Variants in PEX5L observed in about 807,000 individuals in gnomAD.
PEX5L encodes PEX5-related protein.
Under a neutral mutation model 84.0 loss-of-function variants are expected in PEX5L, and 30 were observed. The observed-to-expected ratio is 0.36, with a 90% CI of 0.27 to 0.48. The LOEUF is 0.48. PEX5L is among the 20% of genes least tolerant of loss of function. The pLI is 0.99. For synonymous variants in PEX5L, 270 were observed against 283.1 expected (o/e 0.95, Z 0.46); for missense variants, 533 against 754.6 (o/e 0.71, Z 3.44).
chr3:179,888,065 A>C, intron 3 of PEX5L: 3 of 969,426 alleles, frequency 3.1e-6, no homozygotes, highest in African/African-American at 3.3e-5. Flanking sequence ...ATTTCAATAT[A>C]TAGAAAATGA....
At chr3:179,811,978 T>C in intron 10 of PEX5L, 107 bp from the exon 11 acceptor site, 1 of 847,198 alleles carries the variant, frequency 1.2e-6, no homozygotes, top group Non-Finnish European at 2.0e-6. Flanking sequence ...GCAAGCTGTC[T>C]CATATGTGAG....
intron 2 of PEX5L, among the ~76,000 whole-genome samples, chr3:179,931,694 A>C (rs1483453380): frequency 6.6e-6 from 1 of 152,180 alleles, no homozygotes; most frequent in African/African-American, 2.4e-5. Context: ...CCAAGCTTAC[A>C]AATGAAAAAT....
At chr3:179,894,195 G>A (rs1758485968) in intron 3 of PEX5L, among the ~76,000 whole-genome samples, 1 of 152,034 alleles carries the variant, frequency 6.6e-6, no homozygotes, top group Non-Finnish European at 1.5e-5. Flanking sequence ...TCAATATAGT[G>A]ACCATACAGT....
At chr3:179,944,042 C>T (rs1776874045) in intron 2 of PEX5L, among the ~76,000 whole-genome samples, 1 of 151,078 alleles carries the variant, frequency 6.6e-6, no homozygotes, top group African/African-American at 2.5e-5. Flanking sequence ...ACTTATATTC[C>T]ACTCAAATTA....
At chr3:179,986,713 A>AT (rs1363564133) in intron 1 of PEX5L, among the ~76,000 whole-genome samples, 1 of 151,644 alleles carries the variant, frequency 6.6e-6, no homozygotes, top group African/African-American at 2.4e-5. Flanking sequence ...ACATTTAGTA[A>AT]TTTTTTTTCA....
At chr3:179,841,270 G>A (rs1463844947) in intron 8 of PEX5L, among the ~76,000 whole-genome samples, 1 of 152,000 alleles carries the variant, frequency 6.6e-6, no homozygotes, top group Non-Finnish European at 1.5e-5. Context: ...ACTCATCTGC[G>A]CCTCTGTACA....
intron 1 of PEX5L, among the ~76,000 whole-genome samples, chr3:179,980,961 T>C (rs1579215604): frequency 6.6e-6 from 1 of 151,040 alleles, no homozygotes; most frequent in African/African-American, 2.4e-5. Context: ...GAGGCGGAGG[T>C]TGCAGTGAGC....
chr3:179,880,066 G>A lies in PEX5L; in HGVS notation c.368C>T (p.Thr123Ile). 6.2e-7 allele frequency: 1 copy of A among 1,613,986 alleles called. No homozygotes were observed. The highest frequency in any genetic ancestry group is 8.5e-7 in the Non-Finnish European group (1 of 1,179,926). ...DLSEPVSQTQ[T>I]KAKKSEPSSK... ...TGAGGGCTCTGACTTCTTGGCTTTG[G>A]TTTGGGTTTGAGAGACTGGTTCACT... Residue 123 changes from threonine to isoleucine, a missense_variant, in exon 5 of 15, where the codon ACC (threonine) becomes ATC (isoleucine). Around this residue, in one of 8 missense-constraint regions of PEX5L, gnomAD observed 259 missense variants for 301.7 expected, o/e 0.86. Coordinates refer to ENST00000467460, the MANE Select transcript of PEX5L (RefSeq NM_016559.3).
At position 179,816,022 on chromosome 3, in the gene PEX5L, G is replaced by A; in HGVS notation, c.940-18C>T. 1.2e-6 allele frequency: 2 copies of A among 1,613,004 alleles called. No individual in the cohort carries two copies. The highest frequency in any genetic ancestry group is 1.7e-6 in the Non-Finnish European group (2 of 1,179,088). ...TAATATCCCTGCAACACAGAAAAAGGCCAGTGCATGAGCCATTGATTTCTC... is the reference window on the plus strand; with the variant it reads ...TAATATCCCTGCAACACAGAAAAAGACCAGTGCATGAGCCATTGATTTCTC... On this transcript the variant is annotated intron_variant, in intron 9 of 14. Coordinates refer to ENST00000467460, the MANE Select transcript of PEX5L (RefSeq NM_016559.3).
At chr3:179,943,924 T>A (rs550433794) in intron 2 of PEX5L, among the ~76,000 whole-genome samples, 1 of 152,134 alleles carries the variant, frequency 6.6e-6, no homozygotes, top group African/African-American at 2.4e-5. Context: ...TAAAACTGGG[T>A]AACTCACACA....
In PEX5L at chr3:179,811,848, G is replaced by C; in HGVS notation, c.1107C>G (p.Thr369=). ...CTTGTTCATTTTCATTCTCCGCCTG[G>C]GTTATCCCGAGGAACTGCCATGCCT... ...DAEAWQFLGI[T]QAENENEQAA... is the part of the protein sequence containing the mutation. Residue 369 remains threonine, a synonymous_variant, in exon 11 of 15, where the codon ACC becomes ACG. Transcript: ENST00000467460. 1.2e-6 allele frequency: 2 copies of C among 1,613,918 alleles called. No homozygotes were observed. The highest frequency in any genetic ancestry group is 1.7e-6 in the Non-Finnish European group (2 of 1,179,868).
intron 4 of PEX5L, among the ~76,000 whole-genome samples, chr3:179,887,029 A>C (rs751641192): frequency 1.3e-5 from 2 of 152,214 alleles, no homozygotes; most frequent in Non-Finnish European, 2.9e-5. Context: ...GGGAAGTGTA[A>C]TTTATGCCAG....
intron 8 of PEX5L, among the ~76,000 whole-genome samples, chr3:179,829,603 C>T (rs1731865035): frequency 6.6e-6 from 1 of 152,032 alleles, no homozygotes; most frequent in South Asian, 2.1e-4. Context: ...AAGTGCCCAC[C>T]CGGGGGCGGC....
chr3:179,857,947 A>G (rs2108520550), intron 8 of PEX5L, among the ~76,000 whole-genome samples: 1 of 152,218 alleles, frequency 6.6e-6, no homozygotes, highest in Admixed American at 6.5e-5. Flanking sequence ...AAAATTAAGG[A>G]ATTTGGGTAG....
At chr3:179,972,347 C>T (rs1450681202) in intron 1 of PEX5L, among the ~76,000 whole-genome samples, 1 of 150,966 alleles carries the variant, frequency 6.6e-6, no homozygotes, top group African/African-American at 2.4e-5. Context: ...CCATCTATTT[C>T]CTCCATTGCA....
At chr3:179,961,195 ATGTGTATGTGTGTGTGTGTGTG>A (rs1407685147) in intron 2 of PEX5L, among the ~76,000 whole-genome samples, 8 of 139,824 alleles carry the variant, frequency 5.7e-5, no homozygotes, top group Admixed American at 2.1e-4. Flanking sequence ...TCACTTGTGT[ATGTGTATGTGTGTGTGTGTGTG>A]TGTGTGTGTG....
At chr3:179,923,100 T>C (rs113030960) in intron 2 of PEX5L, among the ~76,000 whole-genome samples, 24 of 151,608 alleles carry the variant, frequency 1.6e-4, no homozygotes, top group African/African-American at 4.3e-4. Flanking sequence ...CCATCCTGGC[T>C]AACACGGTGA....
chr3:180,016,642 C>A (rs755289645), intron 1 of PEX5L, among the ~76,000 whole-genome samples: 4 of 152,176 alleles, frequency 2.6e-5, no homozygotes, highest in Non-Finnish European at 5.9e-5. Flanking sequence ...TCAATAAATG[C>A]CTGACCTTGA....
At chr3:179,864,612 G>GAGGAAAAGT (rs1747456993) in intron 7 of PEX5L, among the ~76,000 whole-genome samples, 1 of 151,968 alleles carries the variant, frequency 6.6e-6, no homozygotes, top group Non-Finnish European at 1.5e-5. Context: ...GAGATCTATG[G>GAGGAAAAGT]CACATTATGG....
Sources: allele counts gnomAD v4.1 joint callset (sites outside exome capture counted in the v4.1 genomes callset), GRCh38; gene constraint gnomAD v4.1.1; regional missense constraint gnomAD v4.1.1; transcripts MANE v1.5; gene names NCBI Gene and HGNC (gene_info 2026-07-23, HGNC 2026-07-21).